Variants in RBFOX3 observed in about 807,000 individuals in gnomAD.
The protein encoded by RBFOX3 is RNA binding protein fox-1 homolog 3.
In RBFOX3, 17 loss-of-function variants were observed where a neutral mutation model predicts 48.7. The ratio of observed to expected loss-of-function variants is 0.35; its 90% CI spans 0.24 to 0.52. The LOEUF (loss-of-function observed/expected upper bound fraction) is 0.52, where lower values mean the gene tolerates loss of function less well. RBFOX3 is among the 20% of genes least tolerant of loss of function. RBFOX3 has a pLI of 0.94. For missense variants in RBFOX3, 382 were observed against 497.5 expected, an observed-to-expected ratio of 0.77 and a Z score of 2.21; for synonymous variants, 212 against 209.5, an observed-to-expected ratio of 1.01 and a Z score of -0.10.
At chr17:79,245,758 G>T (rs1600201290) in intron 3 of RBFOX3, among the ~76,000 whole-genome samples, 1 of 151,370 alleles carries the variant, frequency 6.6e-6, no homozygotes, top group Non-Finnish European at 1.5e-5. Flanking sequence ...CTCCCGTGTA[G>T]CTGGGATTAC....
chr17:79,642,725 C>T, the RBFOX3 span, among the ~76,000 whole-genome samples: 38 of 151,716 alleles, frequency 2.5e-4, no homozygotes, highest in Middle Eastern at 3.4e-3. Context: ...CAAAGAAGGC[C>T]GAGAAGGAGG....
At chr17:79,245,742 T>C (rs1217592017) in intron 3 of RBFOX3, among the ~76,000 whole-genome samples, 2 of 151,606 alleles carry the variant, frequency 1.3e-5, no homozygotes, top group African/African-American at 4.9e-5. Context: ...ATTCTTCTGC[T>C]TCAGCCTCCC....
intron 1 of RBFOX3, among the ~76,000 whole-genome samples, chr17:79,507,375 T>G (rs1269949316): frequency 6.6e-6 from 1 of 152,132 alleles, no homozygotes; most frequent in Non-Finnish European, 1.5e-5. Context: ...CTTATAATTC[T>G]GAGGTTGGAG....
intron 1 of RBFOX3, among the ~76,000 whole-genome samples, chr17:79,596,869 T>C (rs1271752203): frequency 6.6e-6 from 1 of 152,174 alleles, no homozygotes; most frequent in Non-Finnish European, 1.5e-5. Context: ...CCTGTCTACG[T>C]CAGTACGTCC....
intron 1 of RBFOX3, among the ~76,000 whole-genome samples, chr17:79,563,126 G>C (rs1002765769): frequency 2.0e-5 from 3 of 152,076 alleles, no homozygotes; most frequent in Non-Finnish European, 4.4e-5. Flanking sequence ...GAAATGAAGC[G>C]GATCTCAGAA....
At chr17:79,431,705 G>A (rs972052697) in intron 2 of RBFOX3, among the ~76,000 whole-genome samples, 6 of 152,030 alleles carry the variant, frequency 3.9e-5, no homozygotes, top group Admixed American at 1.3e-4. Flanking sequence ...GGCTGGTCTC[G>A]AACTCCTGAC....
chr17:79,214,535 G>A lies in RBFOX3; in HGVS notation c.-34+21231C>T, dbSNP rs2058764061. Among the ~76,000 whole-genome samples, 1 of 151,852 alleles carries A rather than the reference G, an allele frequency of 6.6e-6. No individual in the cohort carries two copies. Among genetic ancestry groups the A allele is most frequent in the African/African-American group, 2.4e-5 (1 of 41,320 alleles). ...AGAGATGGGAGAAGAGGGGCTCCCT[G>A]GGGCAGGCCAAGTGGGAGGGATGTC... is the stretch of plus-strand genomic sequence containing the variant. On this transcript the variant is annotated intron_variant, in intron 4 of 14. Coordinates refer to ENST00000693108, the MANE Select transcript of RBFOX3 (RefSeq NM_001350451.2). This position sits in a 1 kb window ranked among gnomAD's most constrained non-coding sequence, Gnocchi z 4.7.
chr17:79,280,413 G>A (rs963688156), intron 3 of RBFOX3, among the ~76,000 whole-genome samples: 24 of 152,106 alleles, frequency 1.6e-4, no homozygotes, highest in African/African-American at 5.6e-4. Context: ...CAGAGGGTCT[G>A]GGCACAGGAC....
chr17:79,430,374 C>A (rs1262360312), intron 2 of RBFOX3, among the ~76,000 whole-genome samples: 1 of 152,108 alleles, frequency 6.6e-6, no homozygotes, highest in Middle Eastern at 3.4e-3. Flanking sequence ...TCAACACATC[C>A]GTAAATGGAA....
At chr17:79,109,739 G>A (rs969299093) in intron 5 of RBFOX3, among the ~76,000 whole-genome samples, 1 of 152,210 alleles carries the variant, frequency 6.6e-6, no homozygotes, top group Non-Finnish European at 1.5e-5. Flanking sequence ...GCCTGGAGAG[G>A]GGCACACAGC....
intron 2 of RBFOX3, among the ~76,000 whole-genome samples, chr17:79,476,156 T>C (rs2077714673): frequency 6.6e-6 from 1 of 152,178 alleles, no homozygotes; most frequent in East Asian, 1.9e-4. Flanking sequence ...GGCAGGGCCC[T>C]CCCTTCCCGC....
intron 4 of RBFOX3, among the ~76,000 whole-genome samples, chr17:79,133,402 CTAGGTTTG>C (rs1445244666): frequency 6.7e-6 from 1 of 150,080 alleles, no homozygotes; most frequent in African/African-American, 2.4e-5. Context: ...TGAGCACCTA[CTAGGTTTG>C]CTGAGCACCT....
intron 4 of RBFOX3, among the ~76,000 whole-genome samples, chr17:79,173,424 G>A (rs766824042): frequency 6.6e-6 from 1 of 152,166 alleles, no homozygotes; most frequent in Non-Finnish European, 1.5e-5. Flanking sequence ...CTTGGAGGTC[G>A]TCTTCCTACT....
intron 2 of RBFOX3, among the ~76,000 whole-genome samples, chr17:79,329,768 A>G (rs552884512): frequency 1.3e-5 from 2 of 152,268 alleles, no homozygotes; most frequent in East Asian, 3.9e-4. Context: ...CTCTCCCAGG[A>G]GATCTCCATC....
rs1216114152 is a variant in RBFOX3, at chr17:79,479,263, AG to A, written c.-175+3190del. 3.3e-5 allele frequency among the ~76,000 whole-genome samples: 5 copies of A among 152,326 alleles called. No homozygotes were observed. Among genetic ancestry groups the A allele is most frequent in the Non-Finnish European group, 7.3e-5 (5 of 68,038 alleles). ...GGCCCCTTCTCTGAAGCCCATGTCC[AG>A]GCTGCAGGGAGAACCCAGGAGCTCG... On this transcript the variant is annotated intron_variant, in intron 2 of 14. Coordinates refer to ENST00000693108, the MANE Select transcript of RBFOX3 (RefSeq NM_001350451.2). This position sits in a 1 kb window ranked among gnomAD's most constrained non-coding sequence, Gnocchi z 5.1.
At chr17:79,275,519 G>A (rs1041464698) in intron 3 of RBFOX3, among the ~76,000 whole-genome samples, 1 of 152,154 alleles carries the variant, frequency 6.6e-6, no homozygotes, top group South Asian at 2.1e-4. Context: ...AATACCTGGA[G>A]GGTGCAGACC....
At chr17:79,147,099 T>C (rs1279683767) in intron 4 of RBFOX3, among the ~76,000 whole-genome samples, 2 of 152,228 alleles carry the variant, frequency 1.3e-5, no homozygotes, top group African/African-American at 2.4e-5. Context: ...CAGCCTGCTG[T>C]GCTGCTGTCT....
chr17:79,212,626 G>A lies in RBFOX3; in HGVS notation c.-34+23140C>T, dbSNP rs528432014. On this transcript the variant is annotated intron_variant, in intron 4 of 14. Transcript: ENST00000693108. This position sits in a 1 kb window ranked among gnomAD's most constrained non-coding sequence, Gnocchi z 4.7. ...AGAGCCTGGTTCTTCCCCAGCCCTG[G>A]AGGGCCTCCCCGTAATTGCAGGCCT... Among the ~76,000 whole-genome samples, 4 of 152,304 alleles carry A rather than the reference G, an allele frequency of 2.6e-5. No homozygotes were observed. The South Asian group carries it at 8.3e-4, about 32-fold the overall frequency.
At chr17:79,170,093 AT>A (rs1206873852) in intron 4 of RBFOX3, among the ~76,000 whole-genome samples, 9 of 125,384 alleles carry the variant, frequency 7.2e-5, no homozygotes, top group Admixed American at 4.7e-4. Context: ...GGAAGGAAGG[AT>A]GGAAAGCAGG....
Sources: allele counts gnomAD v4.1 joint callset (sites outside exome capture counted in the v4.1 genomes callset), GRCh38; gene constraint gnomAD v4.1.1; non-coding constraint Gnocchi (gnomAD v3.1); transcripts MANE v1.5; gene names NCBI Gene and HGNC (gene_info 2026-07-23, HGNC 2026-07-21).